Variants in PIP5K1B observed in about 807,000 individuals in gnomAD.
The protein encoded by PIP5K1B is phosphatidylinositol-4-phosphate 5-kinase type 1 beta, also known as phosphatidylinositol 4-phosphate 5-kinase type-1 beta.
Under a neutral mutation model 67.0 loss-of-function variants are expected in PIP5K1B, and 42 were observed. The ratio of observed to expected loss-of-function variants is 0.63; its 90% CI spans 0.49 to 0.81. The LOEUF (loss-of-function observed/expected upper bound fraction) is 0.81. PIP5K1B is among the 30% of genes least tolerant of loss of function. The pLI is 0.00. For synonymous variants in PIP5K1B, 214 were observed against 231.4 expected (o/e 0.92, Z 0.68); for missense variants, 459 against 646.3 (o/e 0.71, Z 3.14).
chr9:68,914,828 TA>T (rs1381720682), intron 8 of PIP5K1B, among the ~76,000 whole-genome samples: 1 of 152,180 alleles, frequency 6.6e-6, no homozygotes, highest in East Asian at 1.9e-4. Flanking sequence ...CCAGAGCTTC[TA>T]AAGGAATTAG....
intron 2 of PIP5K1B, among the ~76,000 whole-genome samples, chr9:68,755,740 T>C (rs1829894021): frequency 6.6e-6 from 1 of 152,212 alleles, no homozygotes; most frequent in East Asian, 1.9e-4. Context: ...TTAGGCTAGT[T>C]GGGCTGTGGG....
chr9:68,876,300 G>A (rs7033699), intron 5 of PIP5K1B, among the ~76,000 whole-genome samples: 2,264 of 152,104 alleles, frequency 0.015, 53 homozygotes, highest in African/African-American at 0.049. Flanking sequence ...TCCAAAATTC[G>A]TGGTTAAAAA....
Position 68,869,291 on chromosome 9 carries a change from A to T in PIP5K1B, c.200+5324A>T, listed in dbSNP as rs1218322475. ...CAGCATTAGATTCTCATAGGAGCACAAACCCTGTAGTGAACTGTGCATACA... is the reference window on the plus strand; with the variant it reads ...CAGCATTAGATTCTCATAGGAGCACTAACCCTGTAGTGAACTGTGCATACA... On this transcript the variant is annotated intron_variant, in intron 5 of 15. Coordinates refer to ENST00000265382, the MANE Select transcript of PIP5K1B (RefSeq NM_003558.4). Among the ~76,000 whole-genome samples the T allele has an allele frequency of 3.9e-5, 6 of 152,238 alleles. No individual in the cohort carries two copies. The East Asian group carries it at 1.2e-3, about 29-fold the overall frequency.
chr9:68,971,486 T>G (rs1428312068), intron 14 of PIP5K1B, among the ~76,000 whole-genome samples: 1 of 152,252 alleles, frequency 6.6e-6, no homozygotes, highest in Non-Finnish European at 1.5e-5. Flanking sequence ...GTAGAATCGT[T>G]TATAATCCTT....
chr9:68,861,759 A>C (rs1049368548), intron 4 of PIP5K1B, among the ~76,000 whole-genome samples: 1 of 152,194 alleles, frequency 6.6e-6, no homozygotes, highest in Non-Finnish European at 1.5e-5. Context: ...TTTTTATGCA[A>C]GGTTAAAATG....
rs372484547 is a variant in PIP5K1B at position 68,713,165 on chromosome 9, G to A, written c.-243+7403G>A. On this transcript the variant is annotated intron_variant, in intron 1 of 15. Transcript: ENST00000265382. ...TATAATCCCAGCACCTTGGGAGCCCGAAGCAGGTGGATCACCTGAGGTCAG... is the reference window on the plus strand; with the variant it reads ...TATAATCCCAGCACCTTGGGAGCCCAAAGCAGGTGGATCACCTGAGGTCAG... Among the ~76,000 whole-genome samples, 19 of 152,292 alleles carry A rather than the reference G, an allele frequency of 1.2e-4. 1 individual carries two copies. In the South Asian group the frequency reaches 3.3e-3, roughly 27 times the overall value.
intron 12 of PIP5K1B, among the ~76,000 whole-genome samples, chr9:68,933,491 C>T (rs1015108340): frequency 6.6e-5 from 10 of 151,800 alleles, no homozygotes; most frequent in African/African-American, 2.4e-4. Context: ...CTTTTTCTCC[C>T]CTCAGTTTAA....
chr9:68,974,699 C>T (rs1829550891), intron 14 of PIP5K1B, among the ~76,000 whole-genome samples: 1 of 152,198 alleles, frequency 6.6e-6, no homozygotes, highest in Admixed American at 6.5e-5. Flanking sequence ...CATTCTGCAC[C>T]TCTTTGAAGC....
chr9:68,916,639 C>T (rs1249151577), intron 8 of PIP5K1B, among the ~76,000 whole-genome samples: 2 of 151,966 alleles, frequency 1.3e-5, no homozygotes, highest in Non-Finnish European at 2.9e-5. Flanking sequence ...TTTGGGAGGC[C>T]GAGGCAGGCA....
intron 12 of PIP5K1B, among the ~76,000 whole-genome samples, chr9:68,932,762 G>C (rs1314034265): frequency 6.6e-6 from 1 of 150,592 alleles, no homozygotes; most frequent in Admixed American, 6.6e-5. Context: ...GGGTCTCAGA[G>C]ACCCCTTAGT....
chr9:68,955,152 C>T lies in PIP5K1B; in HGVS notation c.1502+14362C>T, dbSNP rs559584005. On this transcript the variant is annotated intron_variant, in intron 14 of 15. Coordinates refer to ENST00000265382, the MANE Select transcript of PIP5K1B (RefSeq NM_003558.4). ...TGCTACAGGGTGAAAACTGCACATC[C>T]CTGATCATATTGCTCATTGTCCTTG... Among the ~76,000 whole-genome samples, 71 of 152,268 alleles carry T rather than the reference C, an allele frequency of 4.7e-4. 1 individual carries two copies. Among genetic ancestry groups the T allele is most frequent in the Non-Finnish European group, 1.9e-4 (13 of 68,016 alleles).
intron 14 of PIP5K1B, among the ~76,000 whole-genome samples, chr9:68,951,814 ACCTCCC>A (rs1264508023): frequency 6.6e-6 from 1 of 152,060 alleles, no homozygotes; most frequent in Non-Finnish European, 1.5e-5. Context: ...GCCGTAGTCC[ACCTCCC>A]CCTACGTCTT....
chr9:68,799,774 T>G (rs1390738560), intron 2 of PIP5K1B, among the ~76,000 whole-genome samples: 2 of 152,208 alleles, frequency 1.3e-5, no homozygotes, highest in Middle Eastern at 3.4e-3. Context: ...CCTGAAACTG[T>G]GAAACTCCTA....
intron 4 of PIP5K1B, among the ~76,000 whole-genome samples, chr9:68,854,351 T>A (rs1216588320): frequency 5.3e-5 from 8 of 152,012 alleles, no homozygotes; most frequent in Non-Finnish European, 7.4e-5. Flanking sequence ...GCTGATCTCA[T>A]ACTCCTAGGC....
intron 15 of PIP5K1B, among the ~76,000 whole-genome samples, chr9:68,994,974 A>G (rs1587778555): frequency 9.7e-6 from 1 of 102,850 alleles, no homozygotes; most frequent in Admixed American, 1.1e-4. Flanking sequence ...CATCTCTACA[A>G]AAATTAAAAA....
chr9:68,743,682 T>C (rs1829130561), intron 2 of PIP5K1B, among the ~76,000 whole-genome samples: 1 of 152,236 alleles, frequency 6.6e-6, no homozygotes, highest in South Asian at 2.1e-4. Flanking sequence ...GGCTGTTGAC[T>C]TTTCACATTT....
chr9:68,746,076 C>CTTT (rs11306038), intron 2 of PIP5K1B, among the ~76,000 whole-genome samples: 66 of 107,090 alleles, frequency 6.2e-4, no homozygotes, highest in African/African-American at 1.5e-3. Context: ...TGTGTTAACT[C>CTTT]TTTTTTTTTT....
chr9:68,959,082 T>C (rs909814144), intron 14 of PIP5K1B, among the ~76,000 whole-genome samples: 1 of 152,216 alleles, frequency 6.6e-6, no homozygotes, highest in Non-Finnish European at 1.5e-5. Context: ...GAAATAATTG[T>C]GAACCAAGTT....
intron 8 of PIP5K1B, among the ~76,000 whole-genome samples, chr9:68,912,017 C>G (rs2132488454): frequency 6.6e-6 from 1 of 152,278 alleles, no homozygotes; most frequent in East Asian, 1.9e-4. Flanking sequence ...TAATTGGAAT[C>G]TACCTTTAAG....
Sources: gnomAD v4.1 joint callset for allele counts (sites outside exome capture counted in the v4.1 genomes callset) on GRCh38, gnomAD v4.1.1 for gene constraint, MANE v1.5 for transcripts, NCBI Gene and HGNC (gene_info 2026-07-23, HGNC 2026-07-21) for gene names.